Variants in ZFHX3 observed in about 807,000 individuals in gnomAD.
The protein encoded by ZFHX3 is zinc finger homeobox 3, also known as zinc finger homeobox protein 3.
A neutral mutation model predicts 279.1 loss-of-function variants in ZFHX3; 42 were observed. The ratio of observed to expected loss-of-function variants is 0.15; its 90% CI spans 0.12 to 0.19. ZFHX3 has a LOEUF of 0.19. ZFHX3 is among the 10% of genes least tolerant of loss of function. The pLI, the probability that ZFHX3 is intolerant of heterozygous loss-of-function variation, is 1.00. For missense variants in ZFHX3, 4,981 were observed against 4,754.0 expected, an observed-to-expected ratio of 1.05 and a Z score of -1.40; for synonymous variants, 2,293 against 1,957.8, an observed-to-expected ratio of 1.17 and a Z score of -4.52.
At chr16:72,902,224 G>A (rs538666810) in intron 3 of ZFHX3, among the ~76,000 whole-genome samples, 48 of 152,262 alleles carry the variant, frequency 3.2e-4, no homozygotes, top group Admixed American at 2.1e-3. Context: ...TCATCCTAAC[G>A]GATGACAGAG....
chr16:73,013,477 A>T (rs1468846851), intron 1 of ZFHX3, among the ~76,000 whole-genome samples: 1 of 152,000 alleles, frequency 6.6e-6, no homozygotes, highest in African/African-American at 2.4e-5. Context: ...TTGTGGAGAC[A>T]GGGTTTTGCC....
At chr16:73,358,855 A>T (rs2016388148) in intron 3 of ZFHX3, among the ~76,000 whole-genome samples, 1 of 152,232 alleles carries the variant, frequency 6.6e-6, no homozygotes, top group African/African-American at 2.4e-5. Flanking sequence ...TGTGTCCATT[A>T]TGTGACCTCT....
intron 3 of ZFHX3, among the ~76,000 whole-genome samples, chr16:73,340,821 A>C (rs2016018193): frequency 6.6e-6 from 1 of 152,226 alleles, no homozygotes; most frequent in Non-Finnish European, 1.5e-5. Flanking sequence ...CCCTACAAGT[A>C]CTGGAAAAAA....
chr16:72,827,672 C>G (rs748381473), intron 5 of ZFHX3, among the ~76,000 whole-genome samples: 20 of 152,242 alleles, frequency 1.3e-4, no homozygotes, highest in African/African-American at 3.1e-4. Flanking sequence ...CAAAGCCCCA[C>G]AGGAGGATAC....
chr16:73,810,593 A>G (rs1960399973), intron 1 of ZFHX3, among the ~76,000 whole-genome samples: 1 of 152,194 alleles, frequency 6.6e-6, no homozygotes, highest in Admixed American at 6.5e-5. Context: ...ATCTTATTTG[A>G]GCCTTAATGC....
At chr16:73,484,219 C>G (rs760545980) in intron 2 of ZFHX3, among the ~76,000 whole-genome samples, 2 of 152,136 alleles carry the variant, frequency 1.3e-5, no homozygotes, top group African/African-American at 4.8e-5. Context: ...TTCCACGAAG[C>G]ATCTTCTCCG....
intron 1 of ZFHX3, among the ~76,000 whole-genome samples, chr16:73,890,841 A>G (rs562501088): frequency 2.1e-4 from 32 of 152,294 alleles, no homozygotes; most frequent in South Asian, 1.0e-3. Context: ...CACACTAACG[A>G]TAAGTGTAAT....
intron 1 of ZFHX3, among the ~76,000 whole-genome samples, chr16:73,807,574 C>G (rs1222596732): frequency 1.3e-5 from 2 of 151,144 alleles, no homozygotes; most frequent in Non-Finnish European, 2.9e-5. Flanking sequence ...CCTGCCACAG[C>G]AGCCCCCAAA....
At position 72,795,041 on chromosome 16, in the gene ZFHX3, C is replaced by T. The variant is rs763685266; in HGVS notation, c.7641G>A (p.Glu2547=). The change falls in exon 9 of 10, where the codon GAG becomes GAA. Residue 2547 remains glutamate, a synonymous_variant. Transcript: ENST00000268489. The part of the protein sequence containing the change: ...LAFPSFEHWQ[E]HQQLHFLSAQ... ...CGCTCAGGAAGTGGAGCTGCTGATG[C>T]TCCTGCCAGTGCTCAAATGACGGAA... is the stretch of plus-strand genomic sequence containing the variant. 8 of 1,614,200 alleles carry T rather than the reference C, an allele frequency of 5.0e-6. No homozygotes were observed. The East Asian group carries it at 1.6e-4, about 31-fold the overall frequency.
intron 2 of ZFHX3, among the ~76,000 whole-genome samples, chr16:73,471,532 C>A (rs2018667360): frequency 6.6e-6 from 1 of 152,166 alleles, no homozygotes. Flanking sequence ...CCTCAGCCTC[C>A]CAAGTAGTTG....
At chr16:73,351,050 T>C (rs1284501287) in intron 3 of ZFHX3, among the ~76,000 whole-genome samples, 3 of 152,148 alleles carry the variant, frequency 2.0e-5, no homozygotes, top group African/African-American at 7.2e-5. Flanking sequence ...ACTGGTGGCA[T>C]TTGGCGTTAA....
intron 1 of ZFHX3, among the ~76,000 whole-genome samples, chr16:73,687,703 A>C (rs1317322401): frequency 6.6e-6 from 1 of 151,894 alleles, no homozygotes; most frequent in Non-Finnish European, 1.5e-5. Flanking sequence ...TTAGCCAGGC[A>C]TGGTGGCACA....
chr16:73,833,645 C>T (rs1315452529), intron 1 of ZFHX3, among the ~76,000 whole-genome samples: 2 of 151,718 alleles, frequency 1.3e-5, no homozygotes, highest in African/African-American at 4.8e-5. Flanking sequence ...AGGAGAAATA[C>T]CTAATGTAGA....
chr16:73,145,296 G>A (rs911050975), intron 5 of ZFHX3, among the ~76,000 whole-genome samples: 2 of 152,214 alleles, frequency 1.3e-5, no homozygotes, highest in Non-Finnish European at 2.9e-5. Context: ...AAAGTCAGGG[G>A]TCAGGGTGTA....
intron 1 of ZFHX3, among the ~76,000 whole-genome samples, chr16:73,772,938 T>C (rs2054035119): frequency 2.6e-5 from 4 of 152,204 alleles, no homozygotes; most frequent in Admixed American, 2.6e-4. Context: ...TCTCAGAGCA[T>C]TTATTTCTAA....
At chr16:73,679,144 G>A (rs1194121406) in intron 2 of ZFHX3, among the ~76,000 whole-genome samples, 2 of 150,918 alleles carry the variant, frequency 1.3e-5, no homozygotes, top group African/African-American at 4.9e-5. Context: ...TTTTTTAATG[G>A]AAACCAGCTC....
At chr16:72,891,442 G>A (rs901441321) in intron 3 of ZFHX3, among the ~76,000 whole-genome samples, 2 of 152,202 alleles carry the variant, frequency 1.3e-5, no homozygotes, top group African/African-American at 4.8e-5. Context: ...ATGTTTCTGA[G>A]TCTCCTGGGA....
At chr16:73,582,681 T>C (rs918849013) in intron 2 of ZFHX3, among the ~76,000 whole-genome samples, 3 of 151,858 alleles carry the variant, frequency 2.0e-5, no homozygotes, top group Non-Finnish European at 2.9e-5. Context: ...TTTCACATGT[T>C]GGCCAGGCTA....
At chr16:73,729,217 C>G (rs147257377) in intron 1 of ZFHX3, among the ~76,000 whole-genome samples, 5 of 152,292 alleles carry the variant, frequency 3.3e-5, no homozygotes, top group Middle Eastern at 3.4e-3. Context: ...TCCTTCCCTG[C>G]TACCTCCCTT....
Sources: gnomAD v4.1 joint callset for allele counts (sites outside exome capture counted in the v4.1 genomes callset) on GRCh38, gnomAD v4.1.1 for gene constraint, MANE v1.5 for transcripts, NCBI Gene and HGNC (gene_info 2026-07-23, HGNC 2026-07-21) for gene names.